The following GAS2 variants were observed in gnomAD, a reference collection of about 807,000 sequenced individuals.
The protein encoded by GAS2 is growth arrest-specific protein 2.
In GAS2, 20 loss-of-function variants were observed where a neutral mutation model predicts 37.5. The ratio of observed to expected loss-of-function variants is 0.53; its 90% CI spans 0.37 to 0.77. GAS2 has a LOEUF of 0.77. Among genes scored for constraint, GAS2 ranks in the 30% least tolerant of loss-of-function variants. The probability of loss-of-function intolerance (pLI) is 0.00; values close to 1 mark genes in which losing one functional copy is unlikely to be tolerated. For synonymous variants in GAS2, 144 were observed against 132.2 expected, an observed-to-expected ratio of 1.09 and a Z score of -0.61; for missense variants, 336 against 373.4, an observed-to-expected ratio of 0.90 and a Z score of 0.82.
chr11:22,717,461 T>C (rs995189078), intron 3 of GAS2, among the ~76,000 whole-genome samples: 2 of 152,164 alleles, frequency 1.3e-5, no homozygotes, highest in Non-Finnish European at 2.9e-5. Flanking sequence ...AGAATGAAAC[T>C]GGATCTCTGT....
chr11:22,692,172 G>A (rs781272234), intron 3 of GAS2, among the ~76,000 whole-genome samples: 69 of 152,058 alleles, frequency 4.5e-4, no homozygotes, highest in Non-Finnish European at 6.3e-4. Context: ...GTGGGGGAGC[G>A]GAAAGCAGCA....
chr11:22,671,127 A>G (rs1190514439), intron 1 of GAS2, among the ~76,000 whole-genome samples: 1 of 152,120 alleles, frequency 6.6e-6, no homozygotes, highest in Non-Finnish European at 1.5e-5. Flanking sequence ...TTACAAAGTC[A>G]TTATTTTTTT....
At chr11:22,765,298 T>C (rs1385286107) in intron 7 of GAS2, among the ~76,000 whole-genome samples, 3 of 152,088 alleles carry the variant, frequency 2.0e-5, no homozygotes, top group Non-Finnish European at 4.4e-5. Flanking sequence ...AAAGCAACAA[T>C]ATAGTAGAGA....
intron 5 of GAS2, among the ~76,000 whole-genome samples, chr11:22,745,238 A>G (rs1853326568): frequency 6.6e-6 from 1 of 152,172 alleles, no homozygotes; most frequent in Non-Finnish European, 1.5e-5. Context: ...ACAGTAACCA[A>G]AACAGTGTGG....
At chr11:22,763,187 A>G (rs747536512) in intron 7 of GAS2, among the ~76,000 whole-genome samples, 30 of 152,206 alleles carry the variant, frequency 2.0e-4, no homozygotes, top group Non-Finnish European at 3.2e-4. Flanking sequence ...TAGAAAGGTC[A>G]CACACATTGT....
chr11:22,719,904 A>G (rs1851868042), intron 3 of GAS2, among the ~76,000 whole-genome samples: 1 of 152,066 alleles, frequency 6.6e-6, no homozygotes, highest in South Asian at 2.1e-4. Context: ...AACTGCTATA[A>G]GCATCCATGG....
rs1400667004 is a variant in GAS2 at position 22,755,940 on chromosome 11, TC to T, written c.712del (p.Leu238SerfsTer27). 6.2e-7 allele frequency: 1 copy of T among 1,608,642 alleles called. No individual in the cohort carries two copies. The highest frequency in any genetic ancestry group is 1.7e-5 in the Admixed American group (1 of 59,822). ...GGAAGATACCGAGTGGGAGAAAAGATCCTCTTCATTAGGGTAAAGTTTTACT... is the reference window on the plus strand; with the variant it reads ...GGAAGATACCGAGTGGGAGAAAAGATCTCTTCATTAGGGTAAAGTTTTACT... ...SQGRYRVGEKILFIRMLHNKH... is the reference protein window; with the variant it reads ...SQGRYRVGEKXLFIRMLHNKH... On this transcript the variant is annotated frameshift_variant, in exon 7 of 8. Coordinates refer to ENST00000454584, the MANE Select transcript of GAS2 (RefSeq NM_001143830.3). LOFTEE classifies it high-confidence loss of function.
chr11:22,749,069 A>G, intron 5 of GAS2, 51 bp from the exon 6 acceptor site: 3 of 1,501,286 alleles, frequency 2.0e-6, no homozygotes, highest in Non-Finnish European at 1.8e-6. Flanking sequence ...ATATATGGTA[A>G]TTGTATCATT....
chr11:22,701,049 T>G (rs905224213), intron 3 of GAS2, among the ~76,000 whole-genome samples: 2 of 152,180 alleles, frequency 1.3e-5, no homozygotes, highest in Non-Finnish European at 2.9e-5. Flanking sequence ...CTAATTGCTG[T>G]CTGCCAAAGC....
intron 1 of GAS2, among the ~76,000 whole-genome samples, chr11:22,670,089 G>A (rs1371680154): frequency 6.6e-6 from 1 of 152,150 alleles, no homozygotes; most frequent in African/African-American, 2.4e-5. Flanking sequence ...TTTTGGAAGG[G>A]TATTCGATTT....
chr11:22,797,608 C>A (rs774905010), intron 7 of GAS2, among the ~76,000 whole-genome samples: 5 of 151,998 alleles, frequency 3.3e-5, no homozygotes, highest in Non-Finnish European at 7.4e-5. Flanking sequence ...CTTGAGCTAC[C>A]CACTTAACCA....
At chr11:22,788,537 C>G (rs1465998043) in intron 7 of GAS2, among the ~76,000 whole-genome samples, 1 of 152,104 alleles carries the variant, frequency 6.6e-6, no homozygotes, top group Non-Finnish European at 1.5e-5. Flanking sequence ...TGTCAAATGT[C>G]TCATGGGTTG....
intron 1 of GAS2, among the ~76,000 whole-genome samples, chr11:22,631,365 G>A (rs1177087688): frequency 6.6e-6 from 1 of 151,918 alleles, no homozygotes; most frequent in Non-Finnish European, 1.5e-5. Flanking sequence ...TAGGACTTCC[G>A]ATGCTGTGTT....
intron 7 of GAS2, among the ~76,000 whole-genome samples, chr11:22,758,341 A>T (rs181343603): frequency 5.3e-4 from 81 of 152,260 alleles, no homozygotes; most frequent in African/African-American, 1.7e-3. Flanking sequence ...AAACTTTGTC[A>T]TATCTTTTTT....
At chr11:22,711,412 G>A (rs1418594356) in intron 3 of GAS2, among the ~76,000 whole-genome samples, 1 of 152,190 alleles carries the variant, frequency 6.6e-6, no homozygotes, top group Non-Finnish European at 1.5e-5. Context: ...TTTGGGAGGT[G>A]CACAGGGTGA....
At chr11:22,644,508 T>G (rs541409999) in intron 1 of GAS2, among the ~76,000 whole-genome samples, 2 of 152,350 alleles carry the variant, frequency 1.3e-5, no homozygotes, top group African/African-American at 4.8e-5. Context: ...AAAACTACTA[T>G]AGCTTACATT....
intron 7 of GAS2, among the ~76,000 whole-genome samples, chr11:22,766,236 C>T (rs932722570): frequency 4.4e-5 from 6 of 136,634 alleles, no homozygotes; most frequent in African/African-American, 1.4e-4. Context: ...GTGCTTTCCT[C>T]GGATTCTTTT....
chr11:22,636,040 G>T lies in GAS2; in HGVS notation c.-21+10227G>T, dbSNP rs551500055. Among the ~76,000 whole-genome samples the T allele has an allele frequency of 1.2e-3, 190 of 152,296 alleles. 1 individual carries two copies. The highest frequency in any genetic ancestry group is 2.2e-3 in the Non-Finnish European group (150 of 68,024). On this transcript the variant is annotated intron_variant, in intron 1 of 5. Coordinates refer to the GAS2 transcript ENST00000528582. ...TCCCCACTCACACTCTGGGGACTCA[G>T]TTTTCCACCTGGCTTAGGGTGTAGG... is the stretch of plus-strand genomic sequence containing the variant.
intron 7 of GAS2, among the ~76,000 whole-genome samples, chr11:22,788,386 A>G (rs950519081): frequency 1.3e-5 from 2 of 152,136 alleles, no homozygotes; most frequent in Non-Finnish European, 2.9e-5. Context: ...TTTGAATGAG[A>G]TGATTCCTTG....
Sources: gnomAD v4.1 joint callset for allele counts (sites outside exome capture counted in the v4.1 genomes callset) on GRCh38, gnomAD v4.1.1 for gene constraint, MANE v1.5 for transcripts, NCBI Gene and HGNC (gene_info 2026-07-23, HGNC 2026-07-21) for gene names.